INTS7: variants seen among roughly 807,000 people sequenced by gnomAD.
INTS7 encodes chromosome 1 open reading frame 73.
INTS7 carries 46 observed loss-of-function variants against 109.2 expected under a neutral mutation model. The observed-to-expected ratio is 0.42, with a 90% CI of 0.33 to 0.54. The LOEUF (loss-of-function observed/expected upper bound fraction) is 0.54, where lower values mean the gene tolerates loss of function less well. Ranked by LOEUF, INTS7 falls within the 20% of genes least tolerant of loss-of-function variation. INTS7 has a pLI of 0.07. For synonymous variants in INTS7, 412 were observed against 402.9 expected, an observed-to-expected ratio of 1.02 and a Z score of -0.27; for missense variants, 929 against 1,132.4, an observed-to-expected ratio of 0.82 and a Z score of 2.58.
intron 4 of INTS7, among the ~76,000 whole-genome samples, chr1:212,014,147 C>T (rs1024824647): frequency 6.6e-6 from 1 of 151,300 alleles, no homozygotes; most frequent in Non-Finnish European, 1.5e-5. Flanking sequence ...GTAAGAATTC[C>T]TGGAACTCTG....
intron 8 of INTS7, among the ~76,000 whole-genome samples, chr1:211,984,300 A>G (rs1158010974): frequency 3.9e-5 from 6 of 152,192 alleles, no homozygotes. Flanking sequence ...AACATGTTTT[A>G]TAACTTGTTT....
intron 1 of INTS7, among the ~76,000 whole-genome samples, chr1:212,031,780 C>G (rs756231906): frequency 4.6e-5 from 7 of 152,172 alleles, no homozygotes; most frequent in Non-Finnish European, 1.0e-4. Flanking sequence ...GGAATTGAGT[C>G]AGCTTCAAAA....
chr1:211,952,581 A>G lies in INTS7; in HGVS notation c.2304T>C (p.Pro768=), dbSNP rs750646879. The G allele has an allele frequency of 2.5e-6, 4 of 1,612,358 alleles. No individual in the cohort carries two copies. The South Asian group carries it at 3.3e-5, about 13-fold the overall frequency. ...EVESLNRKYT[P]VSYMHTACLC... ...AAATGCCACTTGCCATATAAGAAAC[A>G]GGGGTATATTTCCGATTGAGTGATT... The change falls in exon 17 of 20, where the codon CCT becomes CCC. Residue 768 remains proline, a synonymous_variant. Coordinates refer to ENST00000366994, the MANE Select transcript of INTS7 (RefSeq NM_015434.4).
Position 211,959,096 on chromosome 1 carries a change from T to G in INTS7, c.2184-6395A>C, listed in dbSNP as rs954388991. Among the ~76,000 whole-genome samples the G allele has an allele frequency of 6.6e-6, 1 of 152,128 alleles. No homozygotes were observed. Among genetic ancestry groups the G allele is most frequent in the Non-Finnish European group, 1.5e-5 (1 of 68,020 alleles). On this transcript the variant is annotated intron_variant, in intron 16 of 19. Coordinates refer to ENST00000366994, the MANE Select transcript of INTS7 (RefSeq NM_015434.4). This position sits in a 1 kb window ranked among gnomAD's most constrained non-coding sequence, Gnocchi z 4.2. The stretch of plus-strand genomic sequence containing the variant: ...CTGGCAGGAGATTCCTCGACCACTA[T>G]GGACACTTGAGTTGGCACAGAGGGC...
chr1:211,948,420 G>C (rs1239567483), intron 17 of INTS7, among the ~76,000 whole-genome samples: 2 of 152,236 alleles, frequency 1.3e-5, no homozygotes, highest in African/African-American at 2.4e-5. Flanking sequence ...GTGGACCTCT[G>C]ATGCCACACT....
In INTS7 at chr1:211,941,793, CTT is replaced by C. The variant is rs753777059; in HGVS notation, c.*29_*30del. 92 of 1,603,602 alleles carry C rather than the reference CTT, an allele frequency of 5.7e-5. 1 individual carries two copies. The East Asian group carries it at 1.9e-3, about 33-fold the overall frequency. On this transcript the variant is annotated 3_prime_UTR_variant, in exon 20 of 20. Transcript: ENST00000366994. ...CTGTTTCTGGCAATTTGATTGATCT[CTT>C]GAGAGTCTGCAGTGCATTCATTCCA...
chr1:212,004,520 T>G (rs76370142), intron 7 of INTS7, among the ~76,000 whole-genome samples: 3,973 of 152,264 alleles, frequency 0.026, 57 homozygotes, highest in African/African-American at 0.046. Context: ...GAGACACATT[T>G]AAGGGACCTA....
At chr1:212,001,130 G>T (rs1363200709) in intron 7 of INTS7, among the ~76,000 whole-genome samples, 1 of 146,100 alleles carries the variant, frequency 6.8e-6, no homozygotes, top group South Asian at 2.1e-4. Context: ...GCAATGGCGC[G>T]ATCTAGGCTC....
At chr1:212,023,717 T>C (rs1666804143) in intron 1 of INTS7, among the ~76,000 whole-genome samples, 1 of 152,234 alleles carries the variant, frequency 6.6e-6, no homozygotes, top group South Asian at 2.1e-4. Flanking sequence ...GATAGTTTCT[T>C]TTGCTGTGCA....
At chr1:212,023,105 A>G (rs1161046174) in intron 1 of INTS7, among the ~76,000 whole-genome samples, 1 of 152,198 alleles carries the variant, frequency 6.6e-6, no homozygotes, top group Non-Finnish European at 1.5e-5. Flanking sequence ...ATGGCTGCAT[A>G]GTATTCCATG....
intron 11 of INTS7, among the ~76,000 whole-genome samples, chr1:211,977,016 A>C (rs959218151): frequency 2.6e-5 from 4 of 152,226 alleles, no homozygotes; most frequent in African/African-American, 7.2e-5. Context: ...AGACTTACCA[A>C]CATAGATGAC....
Position 211,975,148 on chromosome 1 carries a change from T to A in INTS7, c.1815+18A>T, listed in dbSNP as rs750333418. The stretch of plus-strand genomic sequence containing the variant: ...TCACATAAATCATCACCACCAAAGG[T>A]GAATTAAGAGGACTTACTGTTAAGG... On this transcript the variant is annotated intron_variant, in intron 13 of 19. Transcript: ENST00000366994. The A allele has an allele frequency of 4.5e-6, 7 of 1,548,028 alleles. No individual in the cohort carries two copies. The African/African-American group carries it at 9.5e-5, about 21-fold the overall frequency.
At chr1:212,006,415 A>C (rs771724056) in intron 7 of INTS7, among the ~76,000 whole-genome samples, 1 of 152,220 alleles carries the variant, frequency 6.6e-6, no homozygotes, top group African/African-American at 2.4e-5. Context: ...CAAGCAACTG[A>C]GTGGCAAGTT....
intron 13 of INTS7, among the ~76,000 whole-genome samples, chr1:211,971,244 T>C (rs933299307): frequency 2.0e-5 from 3 of 152,204 alleles, no homozygotes; most frequent in African/African-American, 7.2e-5. Flanking sequence ...CTCCAGATAC[T>C]GCCAAATATC....
At chr1:211,957,401 C>T (rs1663418937) in intron 16 of INTS7, among the ~76,000 whole-genome samples, 1 of 151,996 alleles carries the variant, frequency 6.6e-6, no homozygotes, top group African/African-American at 2.4e-5. Flanking sequence ...CAAAAATTTG[C>T]TGGGCATGGT....
chr1:211,952,516 A>T, intron 17 of INTS7, 53 bp downstream of exon 17: 6 of 1,574,482 alleles, frequency 3.8e-6, no homozygotes, highest in Non-Finnish European at 5.2e-6. Context: ...CCATAAATGT[A>T]TGAAAAACCC....
chr1:211,947,525 T>C (rs1662893745), intron 17 of INTS7, among the ~76,000 whole-genome samples: 1 of 152,164 alleles, frequency 6.6e-6, no homozygotes, highest in Non-Finnish European at 1.5e-5. Flanking sequence ...AGTGGCCTCG[T>C]AAGTCACCAC....
intron 13 of INTS7, among the ~76,000 whole-genome samples, chr1:211,974,180 A>C (rs1398099730): frequency 2.0e-5 from 3 of 151,234 alleles, no homozygotes; most frequent in Non-Finnish European, 4.4e-5. Context: ...AAAATGAAAT[A>C]GTTCTATTGA....
Position 212,007,468 on chromosome 1 carries a change from C to T in INTS7, c.557-19G>A. On this transcript the variant is annotated intron_variant, in intron 5 of 19. Coordinates refer to ENST00000366994, the MANE Select transcript of INTS7 (RefSeq NM_015434.4). Reference sequence around the variant, plus strand: ...GCTAAACCTAGACACAAAAATAATTCTCAAGGTATTTGTGATCACCATCCT... The same window carrying T: ...GCTAAACCTAGACACAAAAATAATTTTCAAGGTATTTGTGATCACCATCCT... 6.3e-7 allele frequency: 1 copy of T among 1,583,910 alleles called. No individual in the cohort carries two copies. Among genetic ancestry groups the T allele is most frequent in the Non-Finnish European group, 8.7e-7 (1 of 1,152,704 alleles).
Sources: allele counts gnomAD v4.1 joint callset (sites outside exome capture counted in the v4.1 genomes callset), GRCh38; gene constraint gnomAD v4.1.1; non-coding constraint Gnocchi (gnomAD v3.1); transcripts MANE v1.5; gene names NCBI Gene and HGNC (gene_info 2026-07-23, HGNC 2026-07-21).